The following CCL26 variants were observed in gnomAD, a reference collection of about 807,000 sequenced individuals.
CCL26 encodes the protein C-C motif chemokine ligand 26, also known as C-C motif chemokine 26.
A neutral mutation model predicts 10.7 loss-of-function variants in CCL26; 10 were observed. The observed-to-expected ratio is 0.93, with a 90% CI of 0.57 to 1.58. The LOEUF (loss-of-function observed/expected upper bound fraction) is 1.58. Among genes scored for constraint, CCL26 ranks in the 40% most tolerant of loss-of-function variants. The pLI, the probability that CCL26 is intolerant of heterozygous loss-of-function variation, is 0.00. For synonymous variants in CCL26, 43 were observed against 41.4 expected (o/e 1.04, Z -0.15); for missense variants, 116 against 111.0 (o/e 1.05, Z -0.20).
chr7:75,775,939 G>T (rs1342951333), upstream of CCL26, among the ~76,000 whole-genome samples: 2 of 151,128 alleles, frequency 1.3e-5, no homozygotes, highest in African/African-American at 2.4e-5. Context: ...TGGGATTACA[G>T]CAGTGAGCCA....
intron 1 of CCL26, among the ~76,000 whole-genome samples, chr7:75,780,886 C>G (rs535139001): frequency 8.5e-5 from 13 of 152,144 alleles, no homozygotes; most frequent in African/African-American, 1.4e-4. Flanking sequence ...CCTCACACCC[C>G]GTCCGGCTTA....
intron 1 of CCL26, among the ~76,000 whole-genome samples, chr7:75,784,751 C>T (rs1396967018): frequency 1.2e-4 from 18 of 151,976 alleles, no homozygotes. Context: ...CACCTCATTG[C>T]CACCTTTTCC....
rs192286362 is a variant in CCL26, at chr7:75,788,989, T to C, written c.-79+728A>G. On this transcript the variant is annotated intron_variant, in intron 1 of 3. Transcript: ENST00000394905. ...AGGCTGGAGTGCAGTGATGCTGTCA[T>C]AGCTCACTGCAGCCTCAACTTTCCA... Among the ~76,000 whole-genome samples, 18 of 152,098 alleles carry C rather than the reference T, an allele frequency of 1.2e-4. No homozygotes were observed. In the South Asian group the frequency reaches 3.7e-3, roughly 32 times the overall value.
intron 1 of CCL26, among the ~76,000 whole-genome samples, chr7:75,784,120 C>T (rs1803128850): frequency 6.6e-6 from 1 of 152,206 alleles, no homozygotes; most frequent in Non-Finnish European, 1.5e-5. Flanking sequence ...AGCCACATCT[C>T]CATCACACAA....
intron 1 of CCL26, among the ~76,000 whole-genome samples, chr7:75,787,918 T>C (rs1305172707): frequency 6.6e-6 from 1 of 152,074 alleles, no homozygotes; most frequent in Non-Finnish European, 1.5e-5. Context: ...CATCCGGGCC[T>C]TCACCAATCG....
intron 1 of CCL26, among the ~76,000 whole-genome samples, chr7:75,780,616 C>A (rs1480880736): frequency 6.6e-6 from 1 of 152,104 alleles, no homozygotes; most frequent in African/African-American, 2.4e-5. Flanking sequence ...AGGTGCCTGA[C>A]GTCCAGGCAT....
rs1035982942 is a variant in CCL26, at chr7:75,784,857, T to C, written c.-79+4860A>G. ...CTACTCCCCCCTTGGTGACCGATCA[T>C]GCACCCCTTACCATCCCATTAAAAC... is the stretch of plus-strand genomic sequence containing the variant. On this transcript the variant is annotated intron_variant, in intron 1 of 3. Transcript: ENST00000394905. 4.6e-5 allele frequency among the ~76,000 whole-genome samples: 7 copies of C among 152,088 alleles called. No homozygotes were observed. In the East Asian group the frequency reaches 1.4e-3, roughly 29 times the overall value.
chr7:75,779,018 C>T lies in CCL26; in HGVS notation c.-78-6764G>A, dbSNP rs371248701. ...AGAATCACAAAAGAAGTGAAAATGG[C>T]CTGTTCCTGCCTTAACTGATGACAT... On this transcript the variant is annotated intron_variant, in intron 1 of 3. Coordinates refer to the CCL26 transcript ENST00000394905. Among the ~76,000 whole-genome samples the T allele has an allele frequency of 3.0e-4, 45 of 152,268 alleles. 1 individual carries two copies. In the South Asian group the frequency reaches 6.0e-3, roughly 20 times the overall value.
intron 1 of CCL26, among the ~76,000 whole-genome samples, chr7:75,788,958 T>C (rs1476262786): frequency 6.6e-6 from 1 of 152,096 alleles, no homozygotes; most frequent in Non-Finnish European, 1.5e-5. Flanking sequence ...TCTCACTCTG[T>C]CACCCAGGCT....
chr7:75,780,893 C>T (rs1274414164), intron 1 of CCL26, among the ~76,000 whole-genome samples: 2 of 152,194 alleles, frequency 1.3e-5, no homozygotes, highest in Non-Finnish European at 2.9e-5. Flanking sequence ...CCCCGTCCGG[C>T]TTACAGTTTC....
chr7:75,785,390 T>G (rs782673877), intron 1 of CCL26, among the ~76,000 whole-genome samples: 65 of 152,252 alleles, frequency 4.3e-4, no homozygotes, highest in Admixed American at 1.8e-3. Context: ...ATTGATGACC[T>G]TCTACTTTGT....
At chr7:75,773,377 T>G (rs190923799), upstream of CCL26, among the ~76,000 whole-genome samples, 305 of 151,214 alleles carry the variant, frequency 2.0e-3, 2 homozygotes, top group African/African-American at 7.0e-3. Context: ...TGAGCCGAGA[T>G]CCCGCCATTG....
At position 75,769,729 on chromosome 7, in the gene CCL26, T is replaced by G; in HGVS notation, c.249A>C (p.Lys83Asn). The change falls in exon 3 of 3, where the codon AAA becomes AAC. Residue 83 changes from lysine (K) to asparagine (N), a missense_variant. Transcript: ENST00000005180. ...CTHPRKKWVQ[K>N]YISLLKTPKQ... The stretch of plus-strand genomic sequence containing the variant: ...TCGGAGTTTTCAGTAAAGAAATGTA[T>G]TTTTGCACCCATTTTTTCCTTGGAT... 1 of 1,613,144 alleles carries G rather than the reference T, an allele frequency of 6.2e-7. No homozygotes were observed. The highest frequency in any genetic ancestry group is 8.5e-7 in the Non-Finnish European group (1 of 1,179,068).
At chr7:75,779,129 G>A (rs1326726439) in intron 1 of CCL26, among the ~76,000 whole-genome samples, 1 of 151,874 alleles carries the variant, frequency 6.6e-6, no homozygotes, top group Non-Finnish European at 1.5e-5. Context: ...CTGCCCGCCA[G>A]AGAACAACCC....
intron 1 of CCL26, among the ~76,000 whole-genome samples, chr7:75,785,229 T>C (rs1485341350): frequency 2.0e-5 from 3 of 152,152 alleles, no homozygotes; most frequent in African/African-American, 7.2e-5. Flanking sequence ...TCTTTGCTTT[T>C]ACCTGGACTG....
At chr7:75,788,724 C>CAA (rs1224411808) in intron 1 of CCL26, among the ~76,000 whole-genome samples, 22 of 100,508 alleles carry the variant, frequency 2.2e-4, no homozygotes, top group African/African-American at 7.9e-4. Context: ...AGACTCCGTC[C>CAA]AAAAAAAAAA....
At chr7:75,772,738 G>T (rs1312212266), upstream of CCL26, among the ~76,000 whole-genome samples, 2 of 152,070 alleles carry the variant, frequency 1.3e-5, no homozygotes, top group African/African-American at 4.8e-5. Flanking sequence ...TCCATCAACA[G>T]GGACAAAAAA....
At chr7:75,781,916 T>G (rs925381755) in intron 1 of CCL26, among the ~76,000 whole-genome samples, 1 of 152,166 alleles carries the variant, frequency 6.6e-6, no homozygotes, top group Admixed American at 6.6e-5. Context: ...TGGTGGTCTC[T>G]TCACATGGAC....
Position 75,769,784 on chromosome 7 carries a change from G to T in CCL26, c.194C>A (p.Thr65Asn). The T allele has an allele frequency of 6.3e-7, 1 of 1,593,360 alleles. No individual in the cohort carries two copies. Among genetic ancestry groups the T allele is most frequent in the Non-Finnish European group, 8.6e-7 (1 of 1,161,162 alleles). The change falls in exon 3 of 3, where the codon ACT (threonine) becomes AAT (asparagine). Residue 65 changes from threonine (T) to asparagine (N), a missense_variant. Thr to Asn is a moderately conservative substitution (Grantham distance 65). Transcript: ENST00000005180. The stretch of plus-strand genomic sequence containing the variant: ...ACAGACTTTCTTGCCTCTTTTGGTA[G>T]TGAATCTGTGAAAAAGAGACACGGA... ...NSCSQRAVIF[T>N]TKRGKKVCTH...
Sources: gnomAD v4.1 joint callset for allele counts (sites outside exome capture counted in the v4.1 genomes callset) on GRCh38, gnomAD v4.1.1 for gene constraint, MANE v1.5 for transcripts, NCBI Gene and HGNC (gene_info 2026-07-23, HGNC 2026-07-21) for gene names.